Variants in ZRANB3 observed in about 807,000 individuals in gnomAD.
The protein encoded by ZRANB3 is DNA annealing helicase and endonuclease ZRANB3.
Under a neutral mutation model 133.8 loss-of-function variants are expected in ZRANB3, and 125 were observed. The ratio of observed to expected loss-of-function variants is 0.93; its 90% CI spans 0.81 to 1.08. The LOEUF (loss-of-function observed/expected upper bound fraction) is 1.08. ZRANB3 is among the 50% of genes least tolerant of loss of function. The pLI is 0.00. For synonymous variants in ZRANB3, 387 were observed against 432.7 expected, an observed-to-expected ratio of 0.89 and a Z score of 1.31; for missense variants, 1,229 against 1,275.5, an observed-to-expected ratio of 0.96 and a Z score of 0.56.
In ZRANB3 at chr2:135,271,828, A is replaced by T. The variant is rs1558876962; in HGVS notation, c.1146T>A (p.Asn382Lys). 23 of 1,613,838 alleles carry T rather than the reference A, an allele frequency of 1.4e-5. No homozygotes were observed. Among genetic ancestry groups the T allele is most frequent in the Non-Finnish European group, 1.9e-5 (22 of 1,179,830 alleles). ...GAGTGTCAGGATCCTTTTGAAACTG[A>T]TTAACCAGATGTATTCTTTCTGAAG... The part of the protein sequence containing the change: ...VSSSERIHLV[N>K]QFQKDPDTRV... The change falls in exon 10 of 21, where the codon AAT becomes AAA. Residue 382 changes from asparagine (N) to lysine (K), a missense_variant. Transcript: ENST00000264159.
At chr2:135,495,589 G>T (rs1692627877) in intron 2 of ZRANB3, among the ~76,000 whole-genome samples, 1 of 152,042 alleles carries the variant, frequency 6.6e-6, no homozygotes, top group South Asian at 2.1e-4. Context: ...TGTGACTCTA[G>T]GTAAAACATA....
intron 6 of ZRANB3, among the ~76,000 whole-genome samples, chr2:135,336,411 G>A (rs1236995350): frequency 1.3e-5 from 2 of 152,200 alleles, no homozygotes; most frequent in Admixed American, 1.3e-4. Flanking sequence ...AAATTATAGT[G>A]TGAAAATGAC....
chr2:135,200,320 T>G lies in ZRANB3; in HGVS notation c.*22A>C. On this transcript the variant is annotated 3_prime_UTR_variant, in exon 21 of 21. Coordinates refer to ENST00000264159, the MANE Select transcript of ZRANB3 (RefSeq NM_032143.4). ...TCTTCCACATGTAAACCATTTGTCATTCATTCATATATTTTTCTACTTTAC... is the reference window on the plus strand; with the variant it reads ...TCTTCCACATGTAAACCATTTGTCAGTCATTCATATATTTTTCTACTTTAC... The G allele has an allele frequency of 6.5e-7, 1 of 1,543,234 alleles. No homozygotes were observed. Among genetic ancestry groups the G allele is most frequent in the Non-Finnish European group, 8.8e-7 (1 of 1,133,288 alleles).
intron 2 of ZRANB3, among the ~76,000 whole-genome samples, chr2:135,452,947 C>T (rs544003582): frequency 1.1e-4 from 17 of 152,358 alleles, no homozygotes; most frequent in East Asian, 3.9e-4. Flanking sequence ...GTGGGGGCTC[C>T]GACCCAACAT....
At chr2:135,449,373 A>G (rs992358945) in intron 2 of ZRANB3, among the ~76,000 whole-genome samples, 1 of 152,142 alleles carries the variant, frequency 6.6e-6, no homozygotes, top group Non-Finnish European at 1.5e-5. Context: ...TAATTCCAGC[A>G]CTTTGGGAGG....
At chr2:135,323,331 A>G (rs2104836579) in intron 6 of ZRANB3, among the ~76,000 whole-genome samples, 1 of 152,318 alleles carries the variant, frequency 6.6e-6, no homozygotes, top group Admixed American at 6.5e-5. Context: ...TCCAAGAAGA[A>G]TATTATAGAC....
chr2:135,459,760 A>C (rs1044642332), intron 2 of ZRANB3, among the ~76,000 whole-genome samples: 1 of 152,336 alleles, frequency 6.6e-6, no homozygotes, highest in East Asian at 1.9e-4. Flanking sequence ...CAGAATGACA[A>C]CATAAATTTC....
At chr2:135,306,494 A>G (rs1413993840) in intron 8 of ZRANB3, among the ~76,000 whole-genome samples, 1 of 149,492 alleles carries the variant, frequency 6.7e-6, no homozygotes, top group Non-Finnish European at 1.5e-5. Context: ...GGGTTTCACC[A>G]TGTTAGCCAG....
intron 3 of ZRANB3, among the ~76,000 whole-genome samples, chr2:135,363,753 A>G (rs1167555066): frequency 6.6e-6 from 1 of 152,202 alleles, no homozygotes; most frequent in Non-Finnish European, 1.5e-5. Flanking sequence ...TCATTTAGAT[A>G]CATGTTAAAA....
intron 2 of ZRANB3, among the ~76,000 whole-genome samples, chr2:135,483,798 T>G (rs1489863388): frequency 3.9e-5 from 6 of 152,216 alleles, no homozygotes; most frequent in Non-Finnish European, 7.3e-5. Context: ...TCCCAGAGAT[T>G]CTGGTGTGTT....
chr2:135,520,612 T>C (rs1026564941), intron 1 of ZRANB3, among the ~76,000 whole-genome samples: 1 of 151,368 alleles, frequency 6.6e-6, no homozygotes, highest in Non-Finnish European at 1.5e-5. Context: ...TGAGACGGAG[T>C]CTTGCTCTGT....
chr2:135,341,089 C>T (rs921754518), intron 6 of ZRANB3, among the ~76,000 whole-genome samples: 1 of 149,692 alleles, frequency 6.7e-6, no homozygotes, highest in Non-Finnish European at 1.5e-5. Context: ...TGCAGTGGCG[C>T]TATCTCGGCT....
At chr2:135,207,167 A>AAAATAAATAAAT (rs746033281) in intron 19 of ZRANB3, among the ~76,000 whole-genome samples, 2 of 148,136 alleles carry the variant, frequency 1.4e-5, no homozygotes, top group African/African-American at 5.2e-5. Context: ...CTCTGTCTCC[A>AAAATAAATAAAT]AAATAAATAA....
intron 1 of ZRANB3, among the ~76,000 whole-genome samples, chr2:135,515,946 A>G (rs1165781295): frequency 6.6e-6 from 1 of 152,188 alleles, no homozygotes; most frequent in Admixed American, 6.5e-5. Flanking sequence ...AATTTGCTTT[A>G]TGAATCTAGG....
At position 135,473,006 on chromosome 2, in the gene ZRANB3, T is replaced by C. The variant is rs146062570; in HGVS notation, c.161+31323A>G. ...CCTAAGAAAGTGGACCATTCAATATTACTAGTACAGCTGTACTATAAGCAT... is the reference window on the plus strand; with the variant it reads ...CCTAAGAAAGTGGACCATTCAATATCACTAGTACAGCTGTACTATAAGCAT... On this transcript the variant is annotated intron_variant, in intron 2 of 20. Coordinates refer to ENST00000264159, the MANE Select transcript of ZRANB3 (RefSeq NM_032143.4). Among the ~76,000 whole-genome samples, 23 of 152,326 alleles carry C rather than the reference T, an allele frequency of 1.5e-4. No homozygotes were observed. The Middle Eastern group carries it at 0.01, about 68-fold the overall frequency.
At chr2:135,308,165 G>A (rs989999129) in intron 8 of ZRANB3, among the ~76,000 whole-genome samples, 2 of 152,134 alleles carry the variant, frequency 1.3e-5, no homozygotes, top group Non-Finnish European at 2.9e-5. Flanking sequence ...ACTATGTCTT[G>A]TAACTGCAGG....
intron 2 of ZRANB3, among the ~76,000 whole-genome samples, chr2:135,461,293 G>A (rs1001392339): frequency 6.6e-6 from 1 of 152,168 alleles, no homozygotes; most frequent in African/African-American, 2.4e-5. Context: ...AATCTGGCCA[G>A]GCACGGTGGC....
At chr2:135,474,451 T>C (rs1691414587) in intron 2 of ZRANB3, among the ~76,000 whole-genome samples, 1 of 151,834 alleles carries the variant, frequency 6.6e-6, no homozygotes. Context: ...CTCATGGGGG[T>C]GTGGTGCCCT....
At chr2:135,335,931 G>T (rs1395687726) in intron 6 of ZRANB3, among the ~76,000 whole-genome samples, 1 of 152,162 alleles carries the variant, frequency 6.6e-6, no homozygotes, top group Non-Finnish European at 1.5e-5. Flanking sequence ...GTGAGATAGA[G>T]CAAGCCATTT....
Sources: gnomAD v4.1 joint callset for allele counts (sites outside exome capture counted in the v4.1 genomes callset) on GRCh38, gnomAD v4.1.1 for gene constraint, MANE v1.5 for transcripts, NCBI Gene and HGNC (gene_info 2026-07-23, HGNC 2026-07-21) for gene names.